ANTXR2: variants seen among roughly 807,000 people sequenced by gnomAD.
ANTXR2 encodes ANTXR cell adhesion molecule 2, also known as anthrax toxin receptor 2.
Under a neutral mutation model 73.7 loss-of-function variants are expected in ANTXR2, and 44 were observed. The observed-to-expected ratio is 0.60, with a 90% CI of 0.47 to 0.77. The LOEUF (loss-of-function observed/expected upper bound fraction) is 0.77, where lower values mean the gene tolerates loss of function less well. Ranked by LOEUF, ANTXR2 falls within the 30% of genes least tolerant of loss-of-function variation. The pLI is 0.00. For synonymous variants in ANTXR2, 217 were observed against 205.9 expected, an observed-to-expected ratio of 1.05 and a Z score of -0.46; for missense variants, 604 against 592.5, an observed-to-expected ratio of 1.02 and a Z score of -0.20.
chr4:80,012,579 T>C (rs1439177304), intron 11 of ANTXR2, among the ~76,000 whole-genome samples: 1 of 152,188 alleles, frequency 6.6e-6, no homozygotes, highest in Non-Finnish European at 1.5e-5. Flanking sequence ...TTGCCAACCC[T>C]TGTCCTATAT....
intron 16 of ANTXR2, among the ~76,000 whole-genome samples, chr4:79,948,497 T>C (rs1728592545): frequency 6.6e-6 from 1 of 152,176 alleles, no homozygotes; most frequent in Non-Finnish European, 1.5e-5. Flanking sequence ...GATTAACTCA[T>C]CTAAGTAAAA....
chr4:79,998,904 G>T (rs946077032), intron 12 of ANTXR2, among the ~76,000 whole-genome samples: 2 of 151,786 alleles, frequency 1.3e-5, no homozygotes, highest in Admixed American at 6.6e-5. Flanking sequence ...TTTTTATAAG[G>T]CTTGCTAGAT....
Position 79,933,738 on chromosome 4 carries a change from T to TG in ANTXR2, c.1429-26272_1429-26271insC, listed in dbSNP as rs1389326494. On this transcript the variant is annotated intron_variant, in intron 16 of 16. Coordinates refer to ENST00000403729, the MANE Select transcript of ANTXR2 (RefSeq NM_058172.6). Reference sequence around the variant, plus strand: ...CACAACAGGCCCTGGTGTGTTTGTTTTTTTTTTTTTTTTTGAGACAGAGTC... The same window carrying TG: ...CACAACAGGCCCTGGTGTGTTTGTTTGTTTTTTTTTTTTTTGAGACAGAGTC... 5.4e-4 allele frequency among the ~76,000 whole-genome samples: 62 copies of TG among 115,210 alleles called. 1 individual carries two copies. The highest frequency in any genetic ancestry group is 1.7e-3 in the African/African-American group (53 of 30,992). The allele number at this position is 115,210 out of a possible 152,430, so 75.6% of individuals were successfully genotyped here. A position where few individuals can be genotyped will look rare whatever the true frequency, so the allele number is the denominator to read the frequency against.
In ANTXR2 at chr4:79,932,792, C is replaced by CAAAAAA. The variant is rs57359650; in HGVS notation, c.1429-25331_1429-25326dup. On this transcript the variant is annotated intron_variant, in intron 16 of 16. Coordinates refer to ENST00000403729, the MANE Select transcript of ANTXR2 (RefSeq NM_058172.6). The stretch of plus-strand genomic sequence containing the variant: ...GGGCAACAAGAGCAAAACTCCATCT[C>CAAAAAA]AAAAAAAAAAAAAAAAAAAAAAAAA... Among the ~76,000 whole-genome samples the CAAAAAA allele has an allele frequency of 2.0e-3, 104 of 52,362 alleles. 8 individuals carry two copies. Among genetic ancestry groups the CAAAAAA allele is most frequent in the African/African-American group, 2.6e-3 (30 of 11,530 alleles). 34.4% of individuals were successfully genotyped at this position (52,362 alleles called of 152,430 possible). A position where few individuals can be genotyped will look rare whatever the true frequency, so the allele number is the denominator to read the frequency against.
intron 12 of ANTXR2, among the ~76,000 whole-genome samples, chr4:79,990,918 T>C (rs975924444): frequency 1.3e-5 from 2 of 152,108 alleles, no homozygotes; most frequent in African/African-American, 4.8e-5. Context: ...TGTGGAAGAC[T>C]GAAACTAAAC....
intron 12 of ANTXR2, among the ~76,000 whole-genome samples, chr4:79,994,003 T>A (rs1258878999): frequency 6.6e-6 from 1 of 152,004 alleles, no homozygotes; most frequent in Non-Finnish European, 1.5e-5. Flanking sequence ...ATTTTAAGTA[T>A]GGCTGAGCTA....
chr4:79,990,383 C>CAAAAAAAAAAAAAAA (rs70944757), intron 12 of ANTXR2, among the ~76,000 whole-genome samples: 3 of 76,924 alleles, frequency 3.9e-5, no homozygotes, highest in Non-Finnish European at 5.0e-5. Context: ...ACAACAGTTA[C>CAAAAAAAAAAAAAAA]AAAAAAAAAA....
rs1726864637 is a variant in ANTXR2, at chr4:79,905,461, G to T, written c.*1968C>A. The T allele has an allele frequency of 6.6e-6, 1 of 152,112 alleles. No individual in the cohort carries two copies. The highest frequency in any genetic ancestry group is 2.4e-5 in the African/African-American group (1 of 41,418). 9.4% of individuals were successfully genotyped at this position (152,112 alleles called of 1,614,324 possible). ...AATAGTATCATCTGTGAACATGAGG[G>T]ACATTTTGGAACTGAATAGAATTCC... On this transcript the variant is annotated 3_prime_UTR_variant, in exon 17 of 17. Coordinates refer to ENST00000403729, the MANE Select transcript of ANTXR2 (RefSeq NM_058172.6).
At chr4:79,912,063 T>C (rs1244943103) in intron 16 of ANTXR2, among the ~76,000 whole-genome samples, 1 of 151,960 alleles carries the variant, frequency 6.6e-6, no homozygotes, top group Non-Finnish European at 1.5e-5. Context: ...TATTTTGGTT[T>C]GGGAATATAA....
chr4:79,957,030 A>G (rs1037440418), intron 16 of ANTXR2, among the ~76,000 whole-genome samples: 2 of 152,136 alleles, frequency 1.3e-5, no homozygotes, highest in African/African-American at 4.8e-5. Context: ...TTGACCAGTT[A>G]TATCACATAT....
At chr4:80,002,824 T>C (rs950714191) in intron 12 of ANTXR2, among the ~76,000 whole-genome samples, 2 of 151,460 alleles carry the variant, frequency 1.3e-5, no homozygotes, top group African/African-American at 4.8e-5. Flanking sequence ...TCACCATCAC[T>C]GGCCATCAGA....
At chr4:79,920,099 C>T (rs1045263552) in intron 16 of ANTXR2, among the ~76,000 whole-genome samples, 1 of 151,370 alleles carries the variant, frequency 6.6e-6, no homozygotes, top group Admixed American at 6.6e-5. Context: ...ACTGAATTTC[C>T]TAGCTCTGCC....
chr4:80,048,240 T>C (rs1002278553), intron 7 of ANTXR2, among the ~76,000 whole-genome samples: 3 of 149,954 alleles, frequency 2.0e-5, no homozygotes, highest in Non-Finnish European at 3.0e-5. Context: ...CAATGACTAC[T>C]TACCCAACAC....
intron 7 of ANTXR2, among the ~76,000 whole-genome samples, chr4:80,042,295 G>A (rs1274804448): frequency 2.6e-5 from 4 of 152,038 alleles, no homozygotes; most frequent in Non-Finnish European, 5.9e-5. Flanking sequence ...TTTGTTATAT[G>A]ATCTTAGAAC....
At chr4:79,963,854 A>T (rs1184302665) in intron 16 of ANTXR2, among the ~76,000 whole-genome samples, 1 of 152,112 alleles carries the variant, frequency 6.6e-6, no homozygotes, top group Non-Finnish European at 1.5e-5. Flanking sequence ...TTCTGGCTGA[A>T]TGTAGGTAGT....
chr4:79,963,320 G>C (rs1191941058), intron 16 of ANTXR2, among the ~76,000 whole-genome samples: 1 of 152,018 alleles, frequency 6.6e-6, no homozygotes, highest in Non-Finnish European at 1.5e-5. Context: ...AGGATTCTCG[G>C]GTCCCTTTTA....
chr4:80,031,692 C>A lies in ANTXR2; in HGVS notation c.797G>T (p.Ser266Ile), dbSNP rs1035219846. 1.4e-6 allele frequency: 2 copies of A among 1,468,294 alleles called. No individual in the cohort carries two copies. The highest frequency in any genetic ancestry group is 1.5e-5 in the African/African-American group (1 of 68,000). 91.0% of individuals were successfully genotyped at this position (1,468,294 alleles called of 1,614,324 possible). ...AAGCTGTACACTTACTGGTTTTACA[C>A]CTAGAAAATAAAATGCCACTGAATT... Reference protein sequence around the residue: ...TYTVNETYTTSVKPVSVQLNS... With the variant: ...TYTVNETYTTIVKPVSVQLNS... The change falls in exon 10 of 17, where the codon AGT becomes ATT. Residue 266 changes from serine to isoleucine, a missense_variant and splice_region_variant. Transcript: ENST00000403729.
At chr4:79,930,901 G>A (rs1728029466) in intron 16 of ANTXR2, among the ~76,000 whole-genome samples, 1 of 152,154 alleles carries the variant, frequency 6.6e-6, no homozygotes, top group African/African-American at 2.4e-5. Flanking sequence ...CAGCTCTAAA[G>A]TGTATTATAG....
At chr4:80,041,868 T>C (rs1733281345) in intron 7 of ANTXR2, among the ~76,000 whole-genome samples, 3 of 152,136 alleles carry the variant, frequency 2.0e-5, no homozygotes, top group Admixed American at 2.0e-4. Context: ...AAGTCTATCA[T>C]TGATGGGCAA....
Sources: allele counts gnomAD v4.1 joint callset (sites outside exome capture counted in the v4.1 genomes callset), GRCh38; gene constraint gnomAD v4.1.1; transcripts MANE v1.5; gene names NCBI Gene and HGNC (gene_info 2026-07-23, HGNC 2026-07-21).